CD99: variants seen among roughly 807,000 people sequenced by gnomAD.
CD99 encodes the protein CD99 molecule (Xg blood group), also known as CD99 antigen.
In CD99, 19 loss-of-function variants were observed where a neutral mutation model predicts 28.4. The ratio of observed to expected loss-of-function variants is 0.67; its 90% CI spans 0.47 to 0.98. CD99 has a LOEUF of 0.98. CD99 is among the 50% of genes least tolerant of loss of function. The pLI is 0.00. For synonymous variants in CD99, 103 were observed against 92.1 expected (o/e 1.12, Z -0.67); for missense variants, 283 against 248.8 (o/e 1.14, Z -0.92).
At chrX:2,699,855 A>G (rs138250068) in intron 1 of CD99, among the ~76,000 whole-genome samples, 5,557 of 152,230 alleles carry the variant, frequency 0.037, 105 homozygotes, top group African/African-American at 0.048. Flanking sequence ...CTTCCCTCCT[A>G]CATGAGATTT....
intron 8 of CD99, among the ~76,000 whole-genome samples, chrX:2,730,330 G>A (rs2049532557): frequency 6.7e-6 from 1 of 149,790 alleles, no homozygotes; most frequent in South Asian, 2.1e-4. Context: ...GTGCCACCAC[G>A]TCCAGCTAAT....
Position 2,710,819 on chromosome X carries a change from A to G in CD99, c.68-3603A>G, listed in dbSNP as rs2048362546. On this transcript the variant is annotated intron_variant, in intron 1 of 9. Transcript: ENST00000381192. ...AATTGAAACAGTTACGAATTGATCT[A>G]GCAGTCCCTCTACTAATGTATCTAC... 4.0e-5 allele frequency among the ~76,000 whole-genome samples: 6 copies of G among 150,986 alleles called. No individual in the cohort carries two copies. In the South Asian group the frequency reaches 1.1e-3, roughly 26 times the overall value.
intron 8 of CD99, 106 bp downstream of exon 8, chrX:2,726,479 A>G (rs747994477): frequency 1.3e-6 from 1 of 759,362 alleles, no homozygotes; most frequent in East Asian, 2.5e-5. Flanking sequence ...AAACAGGTGC[A>G]CGATGGCTGA....
At chrX:2,729,026 T>G (rs2049450653) in intron 8 of CD99, among the ~76,000 whole-genome samples, 1 of 152,124 alleles carries the variant, frequency 6.6e-6, no homozygotes, top group East Asian at 1.9e-4. Flanking sequence ...AGATGGGGGT[T>G]CACCATGTTG....
At position 2,691,421 on chromosome X, in the gene CD99, GC is replaced by G. The variant is rs1449203424; in HGVS notation, c.65del (p.Pro22ArgfsTer34). ...LFGLLGVLVA[A>X]PDGGFDLSDA... is the part of the protein sequence containing the mutation. ...CGGCCTGCTGGGTGTTCTGGTCGCCGCCCCGGGTGAGCGAGCGGAGGGATCC... is the reference window on the plus strand; with the variant it reads ...CGGCCTGCTGGGTGTTCTGGTCGCCGCCCGGGTGAGCGAGCGGAGGGATCC... On this transcript the variant is annotated frameshift_variant, in exon 1 of 10. Coordinates refer to ENST00000381192, the MANE Select transcript of CD99 (RefSeq NM_002414.5). LOFTEE classifies it high-confidence loss of function. The G allele has an allele frequency of 6.3e-7, 1 of 1,583,420 alleles. No individual in the cohort carries two copies.
intron 8 of CD99, among the ~76,000 whole-genome samples, chrX:2,736,873 T>TAAATA (rs1556341879): frequency 6.7e-6 from 1 of 148,564 alleles, no homozygotes; most frequent in African/African-American, 2.5e-5. Context: ...ATAATAATAA[T>TAAATA]AATAAATAAA....
intron 8 of CD99, chrX:2,733,194 C>G: frequency 4.4e-6 from 1 of 227,916 alleles, no homozygotes; most frequent in Non-Finnish European, 7.3e-6. Flanking sequence ...TTTCCACTTC[C>G]CACTCTCACA....
intron 1 of CD99, among the ~76,000 whole-genome samples, chrX:2,707,334 G>GAAAAT (rs2048168089): frequency 8.4e-6 from 1 of 118,886 alleles, no homozygotes; most frequent in Non-Finnish European, 1.6e-5. Flanking sequence ...TGCCTCAAAA[G>GAAAAT]AAAAGAAAAG....
chrX:2,721,194 T>C (rs1261192197), intron 5 of CD99, among the ~76,000 whole-genome samples: 5 of 152,170 alleles, frequency 3.3e-5, no homozygotes, highest in Non-Finnish European at 7.3e-5. Flanking sequence ...TTTTTTTGTT[T>C]ACATATTTAA....
intron 6 of CD99, among the ~76,000 whole-genome samples, chrX:2,722,928 C>T (rs1024847002): frequency 1.3e-5 from 2 of 152,200 alleles, no homozygotes; most frequent in Admixed American, 6.5e-5. Flanking sequence ...AGGGACAGGG[C>T]GTGATGAATG....
chrX:2,704,017 G>C (rs1016018782), intron 1 of CD99, among the ~76,000 whole-genome samples: 21 of 152,096 alleles, frequency 1.4e-4, no homozygotes, highest in Admixed American at 1.4e-3. Context: ...CATCACCCTG[G>C]AGTTTGTTAA....
chrX:2,732,141 C>T (rs1428119878), intron 8 of CD99, among the ~76,000 whole-genome samples: 1 of 152,076 alleles, frequency 6.6e-6, no homozygotes, highest in Non-Finnish European at 1.5e-5. Flanking sequence ...GGTGCTTGGG[C>T]TTCTCCTGGT....
intron 1 of CD99, among the ~76,000 whole-genome samples, chrX:2,710,415 G>C (rs758443066): frequency 6.6e-6 from 1 of 152,076 alleles, no homozygotes; most frequent in African/African-American, 2.4e-5. Context: ...TTTCTTTAGT[G>C]ACGGTGTCTA....
intron 6 of CD99, 107 bp downstream of exon 6, chrX:2,722,781 A>G (rs1199556724): frequency 6.0e-6 from 7 of 1,169,252 alleles, no homozygotes; most frequent in Non-Finnish European, 9.0e-6. Flanking sequence ...GTGAACTCAC[A>G]GTGAAATGTT....
rs773187289 is a variant in CD99, at chrX:2,722,654, A to G, written c.290A>G (p.Asp97Gly). The change falls in exon 6 of 10, where the codon GAT (aspartate) becomes GGT (glycine). Residue 97 changes from aspartate to glycine, a missense_variant. Transcript: ENST00000381192. ...SGSFSDADLA[D>G]GVSGGEGKGG... ...AGCTTTTCAGATGCTGACCTTGCGG[A>G]TGGCGTTTCAGGTGGAGAAGGTACA... is the stretch of plus-strand genomic sequence containing the variant. 47 of 1,613,910 alleles carry G rather than the reference A, an allele frequency of 2.9e-5. No homozygotes were observed. The South Asian group carries it at 5.1e-4, about 17-fold the overall frequency.
chrX:2,691,512 C>T (rs1166382185), intron 1 of CD99, 85 bp downstream of exon 1: 7 of 1,427,708 alleles, frequency 4.9e-6, no homozygotes, highest in Middle Eastern at 4.3e-4. Context: ...GCGTTGGGGG[C>T]GCCCCGCGGG....
chrX:2,734,188 TTTTA>T (rs1421541418), intron 8 of CD99, among the ~76,000 whole-genome samples: 4 of 152,118 alleles, frequency 2.6e-5, no homozygotes, highest in Non-Finnish European at 5.9e-5. Context: ...GTTTTCTTTC[TTTTA>T]CTTTTCTTAT....
chrX:2,717,347 CAA>C (rs111805240), intron 2 of CD99: 17,836 of 339,732 alleles, frequency 0.053, 825 homozygotes, highest in African/African-American at 0.22. Flanking sequence ...GACTTGGTCT[CAA>C]AAAAAAAAAA....
At chrX:2,716,337 T>C (rs2048715496) in intron 2 of CD99, among the ~76,000 whole-genome samples, 2 of 132,426 alleles carry the variant, frequency 1.5e-5, no homozygotes, top group South Asian at 4.9e-4. Flanking sequence ...CTTTTTTATG[T>C]TTTACTTTTT....
Sources: allele counts gnomAD v4.1 joint callset (sites outside exome capture counted in the v4.1 genomes callset), GRCh38; gene constraint gnomAD v4.1.1; transcripts MANE v1.5; gene names NCBI Gene and HGNC (gene_info 2026-07-23, HGNC 2026-07-21).